The following TUSC3 variants were observed in gnomAD, a reference collection of about 807,000 sequenced individuals.
TUSC3 encodes dolichyl-diphosphooligosaccharide--protein glycosyltransferase subunit TUSC3.
TUSC3 carries 45 observed loss-of-function variants against 44.8 expected under a neutral mutation model. The ratio of observed to expected loss-of-function variants is 1.00; its 90% CI spans 0.79 to 1.29. The LOEUF (loss-of-function observed/expected upper bound fraction) is 1.29. Among genes scored for constraint, TUSC3 ranks in the 50% most tolerant of loss-of-function variants. The pLI is 0.00. For synonymous variants in TUSC3, 212 were observed against 152.9 expected, an observed-to-expected ratio of 1.39 and a Z score of -2.85; for missense variants, 519 against 437.9, an observed-to-expected ratio of 1.19 and a Z score of -1.65.
chr8:15,566,600 C>T (rs966554169), intron 1 of TUSC3, among the ~76,000 whole-genome samples: 1 of 141,662 alleles, frequency 7.1e-6, no homozygotes, highest in Non-Finnish European at 1.6e-5. Context: ...ACAGAAGACA[C>T]ATTTTTTTGT....
intron 1 of TUSC3, among the ~76,000 whole-genome samples, chr8:15,464,462 A>C (rs1800389242): frequency 6.6e-6 from 1 of 152,198 alleles, no homozygotes; most frequent in South Asian, 2.1e-4. Context: ...ATAATAGGAA[A>C]CAGTGCAGAG....
intron 2 of TUSC3, among the ~76,000 whole-genome samples, chr8:15,492,913 T>C (rs1267258337): frequency 6.6e-6 from 1 of 151,890 alleles, no homozygotes; most frequent in African/African-American, 2.4e-5. Context: ...CTTCAACAAG[T>C]CCTAAAACAT....
At chr8:15,795,588 G>A in the TUSC3 span, among the ~76,000 whole-genome samples, 8 of 152,176 alleles carry the variant, frequency 5.3e-5, no homozygotes, top group African/African-American at 9.7e-5. Flanking sequence ...CAGAAGGTAT[G>A]AGTCACCGTG....
intron 1 of TUSC3, among the ~76,000 whole-genome samples, chr8:15,615,108 G>A (rs1804934989): frequency 6.6e-6 from 1 of 152,100 alleles, no homozygotes; most frequent in South Asian, 2.1e-4. Flanking sequence ...CTCAATGATG[G>A]TTATTTATCC....
chr8:15,432,069 T>C (rs772826770), intron 1 of TUSC3, among the ~76,000 whole-genome samples: 13 of 151,934 alleles, frequency 8.6e-5, no homozygotes, highest in Non-Finnish European at 1.9e-4. Flanking sequence ...TATTGGCTTG[T>C]AATTTTCTTA....
chr8:15,547,964 A>G (rs1801931495), intron 1 of TUSC3, among the ~76,000 whole-genome samples: 1 of 151,552 alleles, frequency 6.6e-6, no homozygotes, highest in African/African-American at 2.4e-5. Context: ...TTTTTCTGTT[A>G]TTTTTAACTT....
chr8:15,794,521 A>G, the TUSC3 span, among the ~76,000 whole-genome samples: 2 of 152,150 alleles, frequency 1.3e-5, no homozygotes, highest in Non-Finnish European at 2.9e-5. Context: ...GCTGGCCACC[A>G]TTTCAGGAAG....
At chr8:15,832,956 A>G in the TUSC3 span, among the ~76,000 whole-genome samples, 4 of 151,522 alleles carry the variant, frequency 2.6e-5, no homozygotes, top group Non-Finnish European at 5.9e-5. Context: ...CAAACTCTCC[A>G]TTCAAAAACA....
the TUSC3 span, among the ~76,000 whole-genome samples, chr8:15,843,810 T>C: frequency 6.6e-6 from 1 of 152,066 alleles, no homozygotes; most frequent in Non-Finnish European, 1.5e-5. Context: ...TTATGAAACA[T>C]AGCTTTGTCC....
At chr8:15,724,699 G>C (rs956491817) in intron 6 of TUSC3, among the ~76,000 whole-genome samples, 1 of 152,118 alleles carries the variant, frequency 6.6e-6, no homozygotes, top group East Asian at 1.9e-4. Context: ...TGTTCTGGCA[G>C]GTAGTGAATA....
At chr8:15,525,213 C>G (rs1801357292) in intron 2 of TUSC3, among the ~76,000 whole-genome samples, 1 of 152,210 alleles carries the variant, frequency 6.6e-6, no homozygotes. Context: ...CTATCCCCTT[C>G]TTTTCCTCTA....
At chr8:15,719,495 TCACACACACACACACACACACCACACA>T (rs1195103197) in intron 6 of TUSC3, among the ~76,000 whole-genome samples, 224 of 145,334 alleles carry the variant, frequency 1.5e-3, no homozygotes, top group African/African-American at 5.5e-3. Flanking sequence ...ATACAGTTCA[TCACACACACACACACACACACCACACA>T]CACACACACA....
chr8:15,739,307 CTTAT>C (rs768755153), intron 7 of TUSC3, among the ~76,000 whole-genome samples: 91 of 151,744 alleles, frequency 6.0e-4, no homozygotes, highest in African/African-American at 1.4e-3. Context: ...TATGTTTTGC[CTTAT>C]TTATTTGGGA....
At chr8:15,467,461 C>T (rs528149381) in intron 1 of TUSC3, among the ~76,000 whole-genome samples, 1 of 152,058 alleles carries the variant, frequency 6.6e-6, no homozygotes. Flanking sequence ...GAGTATAATT[C>T]TGCTGTGGGC....
At chr8:15,429,112 G>A (rs997934620) in intron 1 of TUSC3, among the ~76,000 whole-genome samples, 1 of 152,088 alleles carries the variant, frequency 6.6e-6, no homozygotes, top group African/African-American at 2.4e-5. Flanking sequence ...GGTCTAACAT[G>A]TAAGTCTTTA....
At chr8:15,744,230 G>A (rs2129214941) in intron 8 of TUSC3, among the ~76,000 whole-genome samples, 1 of 152,190 alleles carries the variant, frequency 6.6e-6, no homozygotes, top group Non-Finnish European at 1.5e-5. Flanking sequence ...GCTTTTCTTT[G>A]ATGGGACCAT....
At chr8:15,714,819 A>G (rs1372013849) in intron 6 of TUSC3, among the ~76,000 whole-genome samples, 3 of 152,176 alleles carry the variant, frequency 2.0e-5, no homozygotes, top group Admixed American at 6.6e-5. Context: ...TACATAACCA[A>G]TTCTGGTAGA....
intron 6 of TUSC3, among the ~76,000 whole-genome samples, chr8:15,692,637 G>A (rs1414323055): frequency 6.6e-6 from 1 of 150,412 alleles, no homozygotes; most frequent in Non-Finnish European, 1.5e-5. Flanking sequence ...TGTGCATAGA[G>A]GTATTTGTAG....
At chr8:15,660,062 A>G (rs1807351150) in intron 4 of TUSC3, among the ~76,000 whole-genome samples, 1 of 152,090 alleles carries the variant, frequency 6.6e-6, no homozygotes, top group Non-Finnish European at 1.5e-5. Flanking sequence ...TTTTGGGACT[A>G]TAAATTGGTG....
Sources: allele counts gnomAD v4.1 joint callset (sites outside exome capture counted in the v4.1 genomes callset), GRCh38; gene constraint gnomAD v4.1.1; transcripts MANE v1.5; gene names NCBI Gene and HGNC (gene_info 2026-07-23, HGNC 2026-07-21).